Variants in OXR1 observed in about 807,000 individuals in gnomAD.
OXR1 encodes the protein oxidation resistance 1, also known as oxidation resistance protein 1.
OXR1 carries 41 observed loss-of-function variants against 104.6 expected under a neutral mutation model. That is an observed-to-expected ratio of 0.39 (90% confidence interval 0.31 to 0.51). OXR1 has a LOEUF of 0.51. Among genes scored for constraint, OXR1 ranks in the 20% least tolerant of loss-of-function variants. The pLI is 0.77. For synonymous variants in OXR1, 348 were observed against 348.4 expected (o/e 1.00, Z 0.01); for missense variants, 955 against 1,031.9 (o/e 0.93, Z 1.02).
chr8:106,582,469 G>T (rs1818322870), intron 3 of OXR1, among the ~76,000 whole-genome samples: 1 of 151,736 alleles, frequency 6.6e-6, no homozygotes, highest in Admixed American at 6.6e-5. Flanking sequence ...ACAGAATTGT[G>T]CCTGCCATTG....
intron 13 of OXR1, among the ~76,000 whole-genome samples, chr8:106,740,066 G>C (rs1202147562): frequency 6.6e-6 from 1 of 152,090 alleles, no homozygotes; most frequent in African/African-American, 2.4e-5. Flanking sequence ...CAATATGGAA[G>C]GCAAAAGCAT....
chr8:106,386,536 C>T (rs1397365037), intron 2 of OXR1, among the ~76,000 whole-genome samples: 2 of 152,148 alleles, frequency 1.3e-5, no homozygotes, highest in African/African-American at 2.4e-5. Context: ...CCCAAATGAA[C>T]ATTGCCTGTT....
At chr8:106,519,838 A>C (rs1813130974) in intron 3 of OXR1, among the ~76,000 whole-genome samples, 1 of 152,224 alleles carries the variant, frequency 6.6e-6, no homozygotes, top group South Asian at 2.1e-4. Flanking sequence ...GTAGGCAATC[A>C]GTCCAAACCA....
chr8:106,555,801 G>T (rs115017101), intron 3 of OXR1, among the ~76,000 whole-genome samples: 2 of 151,028 alleles, frequency 1.3e-5, no homozygotes, highest in Admixed American at 1.3e-4. Flanking sequence ...ATTTTAAAAC[G>T]GCCCAAATAT....
intron 3 of OXR1, among the ~76,000 whole-genome samples, chr8:106,671,614 T>C (rs867310661): frequency 1.3e-5 from 2 of 151,990 alleles, no homozygotes; most frequent in Non-Finnish European, 2.9e-5. Context: ...GTGGCACATA[T>C]ACACCGTGGA....
intron 3 of OXR1, among the ~76,000 whole-genome samples, chr8:106,574,931 C>T (rs1015283560): frequency 6.6e-6 from 1 of 152,222 alleles, no homozygotes; most frequent in Admixed American, 6.5e-5. Context: ...TTCCGTTAGC[C>T]AGAGATAACC....
intron 2 of OXR1, among the ~76,000 whole-genome samples, chr8:106,468,580 A>T (rs1222809552): frequency 6.6e-6 from 1 of 151,858 alleles, no homozygotes; most frequent in East Asian, 1.9e-4. Flanking sequence ...GAGACCATGG[A>T]GAAAAAATAT....
chr8:106,406,673 G>T (rs1479995353), intron 2 of OXR1, among the ~76,000 whole-genome samples: 1 of 152,170 alleles, frequency 6.6e-6, no homozygotes, highest in East Asian at 1.9e-4. Context: ...AAAAAGATCA[G>T]CAGTTGCCAG....
chr8:106,602,978 C>T (rs577774575), intron 3 of OXR1, among the ~76,000 whole-genome samples: 1 of 152,166 alleles, frequency 6.6e-6, no homozygotes, highest in African/African-American at 2.4e-5. Context: ...TATTTACATT[C>T]CTCATAATGG....
intron 3 of OXR1, among the ~76,000 whole-genome samples, chr8:106,576,466 C>CA (rs55917847): frequency 0.3 from 33,703 of 111,994 alleles, 4,849 homozygotes; most frequent in Middle Eastern, 0.35. Context: ...CACAGTTATT[C>CA]AAAAAAAAAA....
chr8:106,688,066 T>C (rs1442235460), intron 6 of OXR1, among the ~76,000 whole-genome samples: 3 of 152,166 alleles, frequency 2.0e-5, no homozygotes, highest in Non-Finnish European at 4.4e-5. Flanking sequence ...AAATCTCTCA[T>C]TTTTTGAATA....
chr8:106,389,827 A>G (rs1311122650), intron 2 of OXR1, among the ~76,000 whole-genome samples: 1 of 152,120 alleles, frequency 6.6e-6, no homozygotes, highest in Non-Finnish European at 1.5e-5. Flanking sequence ...GCACTTTAGG[A>G]GGCCGAGGTG....
chr8:106,604,704 T>C (rs1820235158), intron 3 of OXR1: 1 of 152,360 alleles, frequency 6.6e-6, no homozygotes, highest in Non-Finnish European at 1.5e-5. Context: ...CAAATGGTTG[T>C]ACAGCTGTTT....
intron 1 of OXR1, among the ~76,000 whole-genome samples, chr8:106,284,844 T>C (rs1812428708): frequency 6.6e-6 from 1 of 152,220 alleles, no homozygotes; most frequent in Non-Finnish European, 1.5e-5. Context: ...ATTCAGCTGT[T>C]TGCTTGCTAT....
At chr8:106,392,331 T>G (rs1397312852) in intron 2 of OXR1, among the ~76,000 whole-genome samples, 2 of 152,206 alleles carry the variant, frequency 1.3e-5, no homozygotes, top group Non-Finnish European at 2.9e-5. Context: ...GAAGGATTCA[T>G]GAGCTCAGTT....
At chr8:106,619,729 C>A (rs1231953896) in intron 3 of OXR1, among the ~76,000 whole-genome samples, 4 of 152,060 alleles carry the variant, frequency 2.6e-5, no homozygotes, top group Non-Finnish European at 5.9e-5. Context: ...AATGTATGAA[C>A]CCCTTTTCAA....
At chr8:106,694,504 TTA>T (rs1431847812) in intron 7 of OXR1, among the ~76,000 whole-genome samples, 1 of 134,574 alleles carries the variant, frequency 7.4e-6, no homozygotes, top group African/African-American at 2.8e-5. Context: ...AAATATGTTT[TTA>T]TATATATTTG....
intron 1 of OXR1, among the ~76,000 whole-genome samples, chr8:106,335,572 C>T (rs1016846446): frequency 6.6e-6 from 1 of 151,826 alleles, no homozygotes; most frequent in African/African-American, 2.4e-5. Flanking sequence ...CTCTTTCAGC[C>T]CATTCTATCT....
chr8:106,744,765 G>A (rs2627790), intron 15 of OXR1, among the ~76,000 whole-genome samples: 59,896 of 151,942 alleles, frequency 0.39, 12,667 homozygotes, highest in Admixed American at 0.49. Context: ...CGGGCACATT[G>A]GAGTGTGGCA....
Sources: allele counts gnomAD v4.1 joint callset (sites outside exome capture counted in the v4.1 genomes callset), GRCh38; gene constraint gnomAD v4.1.1; transcripts MANE v1.5; gene names NCBI Gene and HGNC (gene_info 2026-07-23, HGNC 2026-07-21).